KLHL3: variants seen among roughly 807,000 people sequenced by gnomAD.
KLHL3 encodes kelch like family member 3, also known as kelch-like protein 3.
A neutral mutation model predicts 70.5 loss-of-function variants in KLHL3; 19 were observed. That is an observed-to-expected ratio of 0.27 (90% CI 0.19 to 0.40). The LOEUF is 0.40. Ranked by LOEUF, KLHL3 falls within the 10% of genes least tolerant of loss-of-function variation. The pLI is 1.00. For missense variants in KLHL3, 512 were observed against 771.1 expected, an observed-to-expected ratio of 0.66 and a Z score of 3.98; for synonymous variants, 258 against 290.3, an observed-to-expected ratio of 0.89 and a Z score of 1.13.
intron 4 of KLHL3, among the ~76,000 whole-genome samples, chr5:137,695,389 T>C (rs1752423319): frequency 6.6e-6 from 1 of 152,080 alleles, no homozygotes; most frequent in Non-Finnish European, 1.5e-5. Context: ...GTTTCTCTAG[T>C]TGCTCTTTCC....
rs950699004 is a variant in KLHL3 at position 137,670,813 on chromosome 5, C to CA, written c.636+6731dup. Among the ~76,000 whole-genome samples the CA allele has an allele frequency of 2.9e-3, 410 of 142,486 alleles. 2 individuals are homozygous for CA. The highest frequency in any genetic ancestry group is 0.013 in the East Asian group (63 of 4,988). 93.5% of individuals were successfully genotyped at this position (142,486 alleles called of 152,430 possible). On this transcript the variant is annotated intron_variant, in intron 6 of 14. Coordinates refer to ENST00000309755, the MANE Select transcript of KLHL3 (RefSeq NM_017415.3). ...TGAAACCCCGTCTCTACTAAAAATA[C>CA]AAAAAAAAAAATAGCCGTAAGTGGT...
Position 137,733,005 on chromosome 5 carries a change from T to C in KLHL3, c.14+2628A>G, listed in dbSNP as rs538335774. ...CAAGGTAGAAAGTATTTTCATACCC[T>C]CATGGCAAAGAAAAAAAAAATTGTT... is the stretch of plus-strand genomic sequence containing the variant. On this transcript the variant is annotated intron_variant, in intron 1 of 14. Coordinates refer to ENST00000309755, the MANE Select transcript of KLHL3 (RefSeq NM_017415.3). Among the ~76,000 whole-genome samples the C allele has an allele frequency of 4.6e-5, 7 of 152,240 alleles. No homozygotes were observed. In the East Asian group the frequency reaches 1.3e-3, roughly 29 times the overall value.
chr5:137,735,656 C>A lies in KLHL3; in HGVS notation c.-10G>T, dbSNP rs763835534. On this transcript the variant is annotated 5_prime_UTR_variant, in exon 1 of 15. Coordinates refer to ENST00000309755, the MANE Select transcript of KLHL3 (RefSeq NM_017415.3). ...ACCTTTCACCCTCCATTGTGTGAGG[C>A]CCAGCCAGGGTGGTAGCTGCTGAAC... The A allele has an allele frequency of 1.9e-5, 31 of 1,613,740 alleles. No homozygotes were observed. The East Asian group carries it at 4.7e-4, about 24-fold the overall frequency.
chr5:137,656,534 T>C (rs1751349876), intron 8 of KLHL3, among the ~76,000 whole-genome samples: 1 of 152,262 alleles, frequency 6.6e-6, no homozygotes, highest in African/African-American at 2.4e-5. Context: ...TTCAAAATTG[T>C]AGTATCCTTT....
intron 1 of KLHL3, among the ~76,000 whole-genome samples, chr5:137,735,342 C>A (rs942019738): frequency 6.6e-6 from 1 of 152,236 alleles, no homozygotes; most frequent in Admixed American, 6.5e-5. Flanking sequence ...TCAGCCTGTG[C>A]TGAAACTATT....
rs111305755 is a variant in KLHL3 at position 137,682,680 on chromosome 5, T to G, written c.527-5026A>C. The stretch of plus-strand genomic sequence containing the variant: ...AATCATATCCCTAATCACCCTGCTT[T>G]ATTACATGAATCTTTCTATTCTATT... On this transcript the variant is annotated intron_variant, in intron 5 of 14. Coordinates refer to ENST00000309755, the MANE Select transcript of KLHL3 (RefSeq NM_017415.3). Among the ~76,000 whole-genome samples the G allele has an allele frequency of 5.7e-3, 873 of 152,300 alleles. 12 individuals are homozygous for G. The highest frequency in any genetic ancestry group is 0.026 in the Admixed American group (404 of 15,304).
At chr5:137,704,194 G>C (rs937768309) in intron 3 of KLHL3, among the ~76,000 whole-genome samples, 2 of 152,048 alleles carry the variant, frequency 1.3e-5, no homozygotes, top group African/African-American at 2.4e-5. Context: ...GACCATCCTG[G>C]CTAACAAGGT....
At chr5:137,672,563 T>C (rs1402859791) in intron 6 of KLHL3, 1 of 152,220 alleles carries the variant, frequency 6.6e-6, no homozygotes, top group Non-Finnish European at 1.5e-5. Context: ...GTATCTAAAA[T>C]GCAGGCCATT....
At chr5:137,733,366 C>CTT (rs1753210264) in intron 1 of KLHL3, among the ~76,000 whole-genome samples, 1 of 152,182 alleles carries the variant, frequency 6.6e-6, no homozygotes, top group South Asian at 2.1e-4. Context: ...TTATCAGAGC[C>CTT]TCACACAAAA....
At chr5:137,684,569 G>C (rs1752117870) in intron 5 of KLHL3, among the ~76,000 whole-genome samples, 1 of 152,140 alleles carries the variant, frequency 6.6e-6, no homozygotes, top group Non-Finnish European at 1.5e-5. Flanking sequence ...TAAACAACAT[G>C]TCCAAAGAAT....
intron 5 of KLHL3, among the ~76,000 whole-genome samples, chr5:137,684,133 G>T (rs1752105182): frequency 6.6e-6 from 1 of 152,150 alleles, no homozygotes; most frequent in Non-Finnish European, 1.5e-5. Flanking sequence ...CTTATAAGCT[G>T]TTAATATATG....
At position 137,639,167 on chromosome 5, in the gene KLHL3, C is replaced by G. The variant is rs1008341210; in HGVS notation, c.1022-17G>C. 1.1e-5 allele frequency: 17 copies of G among 1,612,018 alleles called. No individual in the cohort carries two copies. The highest frequency in any genetic ancestry group is 1.4e-5 in the Non-Finnish European group (17 of 1,178,910). Reference sequence around the variant, plus strand: ...ACACCACACCTGAGGCACAGGAAACCAAGACATCAAGGTCAGGTCAGGCGC... The same window carrying G: ...ACACCACACCTGAGGCACAGGAAACGAAGACATCAAGGTCAGGTCAGGCGC... On this transcript the variant is annotated splice_polypyrimidine_tract_variant and intron_variant, in intron 9 of 14. Coordinates refer to ENST00000309755, the MANE Select transcript of KLHL3 (RefSeq NM_017415.3). This position sits in a 1 kb window ranked among gnomAD's most constrained non-coding sequence, Gnocchi z 5.0.
In KLHL3 at chr5:137,720,599, G is replaced by C. The variant is rs767184107; in HGVS notation, c.15-15C>G. The C allele has an allele frequency of 6.2e-7, 1 of 1,613,432 alleles. No individual in the cohort carries two copies. Among genetic ancestry groups the C allele is most frequent in the African/African-American group, 1.3e-5 (1 of 74,890 alleles). On this transcript the variant is annotated splice_polypyrimidine_tract_variant and intron_variant, in intron 1 of 14. Transcript: ENST00000309755. ...TCAGCTTGACACTGTGAACAGGAAG[G>C]AAGAGGGAGGGAAAGAGAATCACTC...
intron 8 of KLHL3, among the ~76,000 whole-genome samples, chr5:137,649,795 A>G (rs1297998071): frequency 6.6e-6 from 1 of 152,222 alleles, no homozygotes; most frequent in African/African-American, 2.4e-5. Flanking sequence ...ATAAGTGCTC[A>G]GTAATTGATA....
intron 8 of KLHL3, among the ~76,000 whole-genome samples, chr5:137,645,955 A>G (rs1751035868): frequency 1.3e-5 from 2 of 152,344 alleles, no homozygotes; most frequent in African/African-American, 4.8e-5. Context: ...GACCAATGGA[A>G]TCTAAAATTA....
chr5:137,707,639 G>C (rs1476484994), intron 3 of KLHL3: 4 of 154,218 alleles, frequency 2.6e-5, no homozygotes, highest in African/African-American at 9.7e-5. Flanking sequence ...ACAGTATTTG[G>C]ATGGACGGGT....
intron 6 of KLHL3, among the ~76,000 whole-genome samples, chr5:137,662,954 A>AT (rs1400295471): frequency 6.6e-6 from 1 of 152,084 alleles, no homozygotes. Context: ...TTGTAAAGGG[A>AT]TAAAAAAATG....
rs375109514 is a variant in KLHL3 at position 137,631,412 on chromosome 5, T to C, written c.1450+2625A>G. On this transcript the variant is annotated intron_variant, in intron 12 of 14. Transcript: ENST00000309755. ...TTTGAAAAGTCATTTTCTTCACATG[T>C]TGGGGAATAGGTTGAAGTGAGGAAA... is the stretch of plus-strand genomic sequence containing the variant. Among the ~76,000 whole-genome samples the C allele has an allele frequency of 3.3e-5, 5 of 151,108 alleles. No individual in the cohort carries two copies. In the East Asian group the frequency reaches 7.7e-4, roughly 23 times the overall value.
chr5:137,720,633 A>G, intron 1 of KLHL3, 49 bp from the exon 2 acceptor site: 1 of 1,608,858 alleles, frequency 6.2e-7, no homozygotes, highest in African/African-American at 1.3e-5. Context: ...TCATTGGTAA[A>G]CCCATTCATC....
Sources: gnomAD v4.1 joint callset for allele counts (sites outside exome capture counted in the v4.1 genomes callset) on GRCh38, gnomAD v4.1.1 for gene constraint, Gnocchi (gnomAD v3.1) non-coding constraint, MANE v1.5 for transcripts, NCBI Gene and HGNC (gene_info 2026-07-23, HGNC 2026-07-21) for gene names.